LRP1B: variants seen among roughly 807,000 people sequenced by gnomAD.
LRP1B encodes low-density lipoprotein receptor-related protein 1B.
In LRP1B, 217 loss-of-function variants were observed where a neutral mutation model predicts 556.6. That is an observed-to-expected ratio of 0.39 (90% confidence interval 0.35 to 0.44). LRP1B has a LOEUF of 0.44. Ranked by LOEUF, LRP1B falls within the 20% of genes least tolerant of loss-of-function variation. The probability of loss-of-function intolerance (pLI) is 1.00; values close to 1 mark genes in which losing one functional copy is unlikely to be tolerated. For synonymous variants in LRP1B, 2,047 were observed against 1,865.8 expected, an observed-to-expected ratio of 1.10 and a Z score of -2.50; for missense variants, 5,053 against 5,620.8, an observed-to-expected ratio of 0.90 and a Z score of 3.23.
chr2:140,843,190 T>G (rs1427298583), intron 29 of LRP1B, among the ~76,000 whole-genome samples: 1 of 150,638 alleles, frequency 6.6e-6, no homozygotes, highest in Non-Finnish European at 1.5e-5. Context: ...CTTAATAATA[T>G]GGCCTGGAGA....
chr2:140,802,954 A>C (rs1207036478), intron 32 of LRP1B, among the ~76,000 whole-genome samples: 1 of 151,840 alleles, frequency 6.6e-6, no homozygotes, highest in Non-Finnish European at 1.5e-5. Flanking sequence ...ACCATCCCTG[A>C]CTCTTACATT....
chr2:141,480,333 T>A (rs774326825), intron 3 of LRP1B, 63 bp downstream of exon 3: 1 of 1,576,614 alleles, frequency 6.3e-7, no homozygotes, highest in East Asian at 2.3e-5. Flanking sequence ...TAGGTTTTCT[T>A]TGAACTTTCA....
At chr2:141,150,730 C>G (rs181317485) in intron 7 of LRP1B, among the ~76,000 whole-genome samples, 11 of 152,236 alleles carry the variant, frequency 7.2e-5, no homozygotes, top group African/African-American at 2.6e-4. Flanking sequence ...ATGGAAGTCT[C>G]AAGGCGCTTC....
At chr2:141,811,360 T>C (rs1696350489) in intron 1 of LRP1B, among the ~76,000 whole-genome samples, 1 of 151,962 alleles carries the variant, frequency 6.6e-6, no homozygotes, top group Non-Finnish European at 1.5e-5. Flanking sequence ...GGTGAGCTCT[T>C]TCAATAAATA....
At chr2:141,442,788 C>G (rs1681032340) in intron 3 of LRP1B, among the ~76,000 whole-genome samples, 1 of 152,116 alleles carries the variant, frequency 6.6e-6, no homozygotes, top group Non-Finnish European at 1.5e-5. Flanking sequence ...CATCGTATTC[C>G]ATGGTGTATA....
intron 2 of LRP1B, among the ~76,000 whole-genome samples, chr2:141,705,653 T>C (rs12614785): frequency 0.35 from 53,668 of 151,920 alleles, 10,127 homozygotes; most frequent in East Asian, 0.59. Context: ...GCTTACTGTG[T>C]TCTGGATACT....
At chr2:140,710,595 C>T (rs1686997125) in intron 37 of LRP1B, among the ~76,000 whole-genome samples, 1 of 151,788 alleles carries the variant, frequency 6.6e-6, no homozygotes, top group African/African-American at 2.4e-5. Context: ...GAGAATGGCA[C>T]ACAAAGTCTT....
intron 3 of LRP1B, among the ~76,000 whole-genome samples, chr2:141,421,338 C>CT (rs1443565571): frequency 9.9e-5 from 15 of 151,848 alleles, no homozygotes; most frequent in African/African-American, 3.4e-4. Context: ...ACCATCCCGG[C>CT]TAAAACGGTG....
chr2:141,610,356 T>G lies in LRP1B; in HGVS notation c.206-129823A>C, dbSNP rs146612675. 1.4e-4 allele frequency among the ~76,000 whole-genome samples: 10 copies of G among 71,614 alleles called. No homozygotes were observed. In the East Asian group the frequency reaches 3.4e-3, roughly 24 times the overall value. 47.0% of individuals were successfully genotyped at this position (71,614 alleles called of 152,430 possible). On this transcript the variant is annotated intron_variant, in intron 2 of 90. Coordinates refer to ENST00000389484, the MANE Select transcript of LRP1B (RefSeq NM_018557.3). ...TAATAATAATAATAAAAAGAAACCC[T>G]ATTTCCATTACTTTTTGCTCACTGT...
Position 141,128,584 on chromosome 2 carries a change from G to A in LRP1B, c.1013+59837C>T, listed in dbSNP as rs551747143. ...AATAATAAAAAACAAGTAAAGTAAA[G>A]CAGGACTAGAAAGAAACTACCTTAA... On this transcript the variant is annotated intron_variant, in intron 7 of 90. Coordinates refer to ENST00000389484, the MANE Select transcript of LRP1B (RefSeq NM_018557.3). Among the ~76,000 whole-genome samples, 9 of 152,228 alleles carry A rather than the reference G, an allele frequency of 5.9e-5. No homozygotes were observed. The South Asian group carries it at 1.9e-3, about 32-fold the overall frequency.
At chr2:141,415,222 A>C (rs1392628881) in intron 3 of LRP1B, among the ~76,000 whole-genome samples, 1 of 152,098 alleles carries the variant, frequency 6.6e-6, no homozygotes, top group Non-Finnish European at 1.5e-5. Context: ...ACCGTATTAG[A>C]CAGGATGGTC....
intron 66 of LRP1B, among the ~76,000 whole-genome samples, chr2:140,432,303 ACT>A (rs1204589829): frequency 1.3e-5 from 2 of 151,678 alleles, no homozygotes; most frequent in Admixed American, 1.3e-4. Flanking sequence ...CCCTTCACTG[ACT>A]CTCTTTTCGG....
intron 60 of LRP1B, among the ~76,000 whole-genome samples, chr2:140,461,773 G>A (rs1053518470): frequency 6.6e-6 from 1 of 152,088 alleles, no homozygotes; most frequent in Non-Finnish European, 1.5e-5. Flanking sequence ...GGCAGAGGTT[G>A]CAGTGAGCTG....
chr2:141,503,816 A>C (rs1683816771), intron 2 of LRP1B, among the ~76,000 whole-genome samples: 2 of 152,180 alleles, frequency 1.3e-5, no homozygotes. Flanking sequence ...TCTTGTTTAA[A>C]TATAATTAAG....
intron 20 of LRP1B, among the ~76,000 whole-genome samples, chr2:140,937,221 A>C (rs1695255891): frequency 6.6e-6 from 1 of 152,156 alleles, no homozygotes; most frequent in South Asian, 2.1e-4. Context: ...CATAGGAAAC[A>C]AATGGTAAAA....
intron 66 of LRP1B, among the ~76,000 whole-genome samples, chr2:140,401,523 G>T (rs550995678): frequency 6.6e-6 from 1 of 152,156 alleles, no homozygotes; most frequent in African/African-American, 2.4e-5. Context: ...CCCCACAAAT[G>T]GAGAGTCAGA....
At chr2:140,506,418 A>G (rs1019743032) in intron 53 of LRP1B, among the ~76,000 whole-genome samples, 3 of 151,708 alleles carry the variant, frequency 2.0e-5, no homozygotes, top group African/African-American at 7.3e-5. Context: ...GAATTTTTGT[A>G]TTTTTAGTAG....
chr2:141,335,059 A>C (rs1331411848), intron 3 of LRP1B, among the ~76,000 whole-genome samples: 5 of 152,258 alleles, frequency 3.3e-5, no homozygotes, highest in African/African-American at 9.6e-5. Flanking sequence ...GAAAAGCATT[A>C]ATTCATTTCC....
At chr2:140,811,746 T>C (rs1690932820) in intron 32 of LRP1B, among the ~76,000 whole-genome samples, 1 of 151,862 alleles carries the variant, frequency 6.6e-6, no homozygotes, top group Non-Finnish European at 1.5e-5. Context: ...AAGTAATATA[T>C]TCTGTTTTTT....
Sources: gnomAD v4.1 joint callset for allele counts (sites outside exome capture counted in the v4.1 genomes callset) on GRCh38, gnomAD v4.1.1 for gene constraint, MANE v1.5 for transcripts, NCBI Gene and HGNC (gene_info 2026-07-23, HGNC 2026-07-21) for gene names.